The following TMEM232 variants were observed in gnomAD, a reference collection of about 807,000 sequenced individuals.
TMEM232 encodes transmembrane protein 232.
Under a neutral mutation model 78.8 loss-of-function variants are expected in TMEM232, and 80 were observed. The observed-to-expected ratio is 1.01, with a 90% confidence interval of 0.85 to 1.22. TMEM232 has a LOEUF of 1.22. Ranked by LOEUF, TMEM232 falls within the 50% of genes most tolerant of loss-of-function variation. TMEM232 has a pLI of 0.00. For synonymous variants in TMEM232, 297 were observed against 254.3 expected, an observed-to-expected ratio of 1.17 and a Z score of -1.60; for missense variants, 881 against 742.2, an observed-to-expected ratio of 1.19 and a Z score of -2.17.
chr5:110,715,455 T>C (rs1580771278), intron 1 of TMEM232, among the ~76,000 whole-genome samples: 1 of 152,298 alleles, frequency 6.6e-6, no homozygotes, highest in South Asian at 2.1e-4. Flanking sequence ...GAATTGGTCA[T>C]GAAGAACTGA....
intron 12 of TMEM232, among the ~76,000 whole-genome samples, chr5:110,439,461 T>C (rs929665222): frequency 1.3e-5 from 2 of 151,982 alleles, no homozygotes; most frequent in Non-Finnish European, 2.9e-5. Flanking sequence ...TGGGCAATTA[T>C]CCCATTTCTG....
At chr5:110,662,220 C>T (rs1409556672) in intron 2 of TMEM232, among the ~76,000 whole-genome samples, 1 of 151,882 alleles carries the variant, frequency 6.6e-6, no homozygotes, top group African/African-American at 2.4e-5. Flanking sequence ...TCTATATATG[C>T]ATATAATTTA....
intron 5 of TMEM232, among the ~76,000 whole-genome samples, chr5:110,635,714 T>C (rs895578611): frequency 4.0e-5 from 6 of 151,788 alleles, no homozygotes; most frequent in African/African-American, 1.5e-4. Context: ...TTAAATATTA[T>C]TTCACTCCAG....
At chr5:110,512,567 G>A (rs576613086) in intron 12 of TMEM232, among the ~76,000 whole-genome samples, 1 of 152,268 alleles carries the variant, frequency 6.6e-6, no homozygotes, top group South Asian at 2.1e-4. Context: ...AGAAGGCTGA[G>A]TTACTTGGAA....
At chr5:110,534,336 G>C (rs1772004740) in intron 11 of TMEM232, among the ~76,000 whole-genome samples, 1 of 152,148 alleles carries the variant, frequency 6.6e-6, no homozygotes, top group South Asian at 2.1e-4. Flanking sequence ...TTCAAGAAAA[G>C]TAGAACAGAC....
intron 5 of TMEM232, among the ~76,000 whole-genome samples, chr5:110,635,294 C>G (rs1215973031): frequency 6.6e-6 from 1 of 151,874 alleles, no homozygotes; most frequent in Non-Finnish European, 1.5e-5. Context: ...CAAACTATTC[C>G]CAAAAGTAAA....
At chr5:110,454,853 A>G (rs1760723815) in intron 12 of TMEM232, among the ~76,000 whole-genome samples, 1 of 151,950 alleles carries the variant, frequency 6.6e-6, no homozygotes. Context: ...GCATTAATCA[A>G]TGAAAGTGAA....
At chr5:110,579,731 T>TAC (rs551415642) in intron 10 of TMEM232, among the ~76,000 whole-genome samples, 29 of 149,568 alleles carry the variant, frequency 1.9e-4, no homozygotes, top group African/African-American at 4.9e-4. Flanking sequence ...CACAAACACA[T>TAC]ACACACACAC....
chr5:110,502,698 C>A (rs1439120102), intron 12 of TMEM232, among the ~76,000 whole-genome samples: 1 of 152,168 alleles, frequency 6.6e-6, no homozygotes, highest in Non-Finnish European at 1.5e-5. Context: ...CACTCACTAC[C>A]CGGTAGCCAC....
intron 1 of TMEM232, among the ~76,000 whole-genome samples, chr5:110,714,376 A>G (rs997843899): frequency 2.0e-5 from 3 of 152,164 alleles, no homozygotes; most frequent in Non-Finnish European, 4.4e-5. Context: ...ACACCAATCA[A>G]AATAGAAAGA....
intron 12 of TMEM232, among the ~76,000 whole-genome samples, chr5:110,504,988 A>G (rs751344921): frequency 6.6e-5 from 10 of 152,232 alleles, no homozygotes; most frequent in Non-Finnish European, 1.5e-4. Context: ...ATTAACAATG[A>G]AGTTAATTCT....
intron 11 of TMEM232, among the ~76,000 whole-genome samples, chr5:110,561,291 A>C (rs528637068): frequency 6.6e-6 from 1 of 152,186 alleles, no homozygotes; most frequent in East Asian, 1.9e-4. Flanking sequence ...ATCCATAGTC[A>C]AGTTACTTCA....
rs1774017887 is a variant in TMEM232, at chr5:110,548,217, A to G, written c.1456-19382T>C. ...TTGAAGAATACTGATTACATAAAGC[A>G]ATAATAATATACTGGTGCCTATAAA... is the stretch of plus-strand genomic sequence containing the variant. On this transcript the variant is annotated intron_variant, in intron 11 of 13. Coordinates refer to ENST00000455884, the MANE Select transcript of TMEM232 (RefSeq NM_001039763.4). 7.3e-5 allele frequency among the ~76,000 whole-genome samples: 11 copies of G among 151,324 alleles called. No homozygotes were observed. In the South Asian group the frequency reaches 2.3e-3, roughly 31 times the overall value.
chr5:110,547,998 CAA>C (rs938444289), intron 11 of TMEM232, among the ~76,000 whole-genome samples: 16 of 48,660 alleles, frequency 3.3e-4, no homozygotes, highest in East Asian at 5.9e-4. Context: ...ACTCCATCTC[CAA>C]AAAAAAAAAA....
chr5:110,542,557 A>G (rs545998987), intron 11 of TMEM232, among the ~76,000 whole-genome samples: 76 of 152,206 alleles, frequency 5.0e-4, no homozygotes, highest in Middle Eastern at 3.4e-3. Context: ...CCCAATAGGT[A>G]TGGACTAAGC....
intron 11 of TMEM232, among the ~76,000 whole-genome samples, chr5:110,560,493 G>A (rs545973739): frequency 6.6e-6 from 1 of 152,154 alleles, no homozygotes; most frequent in Non-Finnish European, 1.5e-5. Flanking sequence ...TTTTTCCAAC[G>A]GCCAGAGCTG....
chr5:110,403,015 A>T (rs1755661100), intron 2 of TMEM232, among the ~76,000 whole-genome samples: 1 of 152,120 alleles, frequency 6.6e-6, no homozygotes, highest in African/African-American at 2.4e-5. Context: ...TAAGACAACA[A>T]GAAATAAGAA....
chr5:110,414,222 A>T (rs1028407269), intron 2 of TMEM232, among the ~76,000 whole-genome samples: 1 of 152,054 alleles, frequency 6.6e-6, no homozygotes, highest in East Asian at 1.9e-4. Context: ...AAATTATATC[A>T]TATTTTTATT....
At chr5:110,691,315 G>C (rs1393213625) in intron 1 of TMEM232, among the ~76,000 whole-genome samples, 1 of 152,060 alleles carries the variant, frequency 6.6e-6, no homozygotes, top group African/African-American at 2.4e-5. Flanking sequence ...CCCTGTTCTG[G>C]CATACTTAGT....
Sources: gnomAD v4.1 joint callset for allele counts (sites outside exome capture counted in the v4.1 genomes callset) on GRCh38, gnomAD v4.1.1 for gene constraint, MANE v1.5 for transcripts, NCBI Gene and HGNC (gene_info 2026-07-23, HGNC 2026-07-21) for gene names.